The following UBE2W variants were observed in gnomAD, a reference collection of about 807,000 sequenced individuals.
UBE2W encodes ubiquitin conjugating enzyme E2 W, also known as ubiquitin-conjugating enzyme E2 W.
In UBE2W, 18 loss-of-function variants were observed where a neutral mutation model predicts 27.2. The observed-to-expected ratio is 0.66, with a 90% CI of 0.46 to 0.98. UBE2W has a LOEUF of 0.98. Ranked by LOEUF, UBE2W falls within the 50% of genes least tolerant of loss-of-function variation. The pLI is 0.00. For missense variants in UBE2W, 90 were observed against 180.2 expected (o/e 0.50, Z 2.87); for synonymous variants, 53 against 57.2 (o/e 0.93, Z 0.33).
chr8:73,787,231 C>G lies in UBE2W; in HGVS notation c.*6871G>C. ...CACAGTGGCTTTGAGCTTTGTTGTC[C>G]AAGTACACAAAACTCTTAGCTGTCT... On this transcript the variant is annotated 3_prime_UTR_variant, in exon 6 of 6. Transcript: ENST00000602593. The G allele has an allele frequency of 3.0e-6, 3 of 985,378 alleles. No homozygotes were observed. Among genetic ancestry groups the G allele is most frequent in the Non-Finnish European group, 3.6e-6 (3 of 829,928 alleles). The allele number at this position is 985,378 out of a possible 1,614,324, so 61.0% of individuals were successfully genotyped here. A position where few individuals can be genotyped will look rare whatever the true frequency, so the allele number is the denominator to read the frequency against.
chr8:73,794,798 G>C (rs1157577196), intron 5 of UBE2W, among the ~76,000 whole-genome samples: 1 of 148,838 alleles, frequency 6.7e-6, no homozygotes, highest in Non-Finnish European at 1.5e-5. Flanking sequence ...AGCTACTCAG[G>C]AGGCTGAGGC....
At chr8:73,865,180 C>CAAAAAAAACAAAAAAAAAA (rs1811700272) in intron 1 of UBE2W, among the ~76,000 whole-genome samples, 1 of 32,856 alleles carries the variant, frequency 3.0e-5, no homozygotes, top group African/African-American at 8.4e-5. Flanking sequence ...GTGCAAACGT[C>CAAAAAAAACAAAAAAAAAA]AAAAAAAAAA....
Position 73,791,160 on chromosome 8 carries a change from T to C in UBE2W, c.*2942A>G. On this transcript the variant is annotated 3_prime_UTR_variant, in exon 6 of 6. Transcript: ENST00000602593. ...TACAAGTAAGTCCTTCAGAAGTGAA[T>C]ATTAATTCCTTAAGAGAACCATAAA... 1 of 982,916 alleles carries C rather than the reference T, an allele frequency of 1.0e-6. No individual in the cohort carries two copies. Among genetic ancestry groups the C allele is most frequent in the Non-Finnish European group, 1.2e-6 (1 of 828,020 alleles). 60.9% of individuals were successfully genotyped at this position (982,916 alleles called of 1,614,324 possible). A position where few individuals can be genotyped will look rare whatever the true frequency, so the allele number is the denominator to read the frequency against.
At chr8:73,804,555 CT>C (rs57819629) in intron 5 of UBE2W, among the ~76,000 whole-genome samples, 32,746 of 146,342 alleles carry the variant, frequency 0.22, 5,584 homozygotes, top group African/African-American at 0.48. Context: ...CAGAATCTCA[CT>C]TTTTTTTTTT....
chr8:73,874,417 G>A lies in UBE2W; in HGVS notation c.15+4391C>T, dbSNP rs544465564. Among the ~76,000 whole-genome samples, 486 of 152,194 alleles carry A rather than the reference G, an allele frequency of 3.2e-3. 1 individual carries two copies. The highest frequency in any genetic ancestry group is 0.011 in the South Asian group (51 of 4,822). ...ACTGCACTCCAGCCTGGGCGACAGCGAGACTCTGTCTCAAAAAAATAAAAT... is the reference window on the plus strand; with the variant it reads ...ACTGCACTCCAGCCTGGGCGACAGCAAGACTCTGTCTCAAAAAAATAAAAT... On this transcript the variant is annotated intron_variant, in intron 1 of 5. Transcript: ENST00000602593.
In UBE2W at chr8:73,788,084, G is replaced by A. The variant is rs1311440080; in HGVS notation, c.*6018C>T. 1 of 984,322 alleles carries A rather than the reference G, an allele frequency of 1.0e-6. No individual in the cohort carries two copies. The highest frequency in any genetic ancestry group is 1.7e-5 in the African/African-American group (1 of 57,154). 61.0% of individuals were successfully genotyped at this position (984,322 alleles called of 1,614,324 possible). ...ACTTTTACGTCATAAACCAAAAAGA[G>A]GTCTGGTATCTATCCCATTTAGTAT... On this transcript the variant is annotated 3_prime_UTR_variant, in exon 6 of 6. Transcript: ENST00000602593.
intron 3 of UBE2W, among the ~76,000 whole-genome samples, chr8:73,815,824 T>C (rs891585446): frequency 6.6e-6 from 1 of 152,198 alleles, no homozygotes; most frequent in African/African-American, 2.4e-5. Flanking sequence ...CCAAGGTTTT[T>C]CCAGGGACAG....
At position 73,838,494 on chromosome 8, in the gene UBE2W, CT is replaced by C. The variant is rs1462036529; in HGVS notation, c.16-8023del. Among the ~76,000 whole-genome samples the C allele has an allele frequency of 3.9e-5, 6 of 152,156 alleles. No individual in the cohort carries two copies. The South Asian group carries it at 1.2e-3, about 32-fold the overall frequency. ...GTGGCTTACACCTGTAATCCCAGCA[CT>C]TTAGGAGGCCAAGGCAGGAGAATTA... On this transcript the variant is annotated intron_variant, in intron 1 of 5. Coordinates refer to ENST00000602593, the MANE Select transcript of UBE2W (RefSeq NM_018299.6).
At chr8:73,840,462 G>T (rs535984224) in intron 1 of UBE2W, among the ~76,000 whole-genome samples, 1 of 152,290 alleles carries the variant, frequency 6.6e-6, no homozygotes, top group South Asian at 2.1e-4. Flanking sequence ...AAATTCAAAT[G>T]ATACTCTTGT....
chr8:73,842,098 C>A (rs556036448), intron 1 of UBE2W, among the ~76,000 whole-genome samples: 61 of 152,260 alleles, frequency 4.0e-4, no homozygotes, highest in Non-Finnish European at 5.0e-4. Context: ...TCCTTTGAGG[C>A]AACAATTTCA....
At chr8:73,816,287 G>A (rs547871950) in intron 3 of UBE2W, among the ~76,000 whole-genome samples, 3 of 152,250 alleles carry the variant, frequency 2.0e-5, no homozygotes, top group South Asian at 2.1e-4. Flanking sequence ...GACCCCCAAG[G>A]CTTCAGTGAA....
intron 5 of UBE2W, among the ~76,000 whole-genome samples, chr8:73,795,004 T>C (rs1489383247): frequency 1.3e-5 from 2 of 152,140 alleles, no homozygotes; most frequent in African/African-American, 2.4e-5. Flanking sequence ...CAGACAACTT[T>C]AGGATTATTT....
intron 5 of UBE2W, among the ~76,000 whole-genome samples, chr8:73,802,665 G>A (rs1049046104): frequency 2.6e-5 from 4 of 152,072 alleles, no homozygotes; most frequent in Non-Finnish European, 5.9e-5. Context: ...TGAGGCAGGC[G>A]ATCACCCTGA....
chr8:73,805,324 A>G (rs1808828494), intron 5 of UBE2W, among the ~76,000 whole-genome samples: 1 of 150,934 alleles, frequency 6.6e-6, no homozygotes, highest in African/African-American at 2.4e-5. Flanking sequence ...GTGGTTGCAC[A>G]TGCCTGTAAT....
intron 5 of UBE2W, chr8:73,796,693 A>G: frequency 1.0e-6 from 1 of 980,026 alleles, no homozygotes; most frequent in Non-Finnish European, 1.2e-6. Flanking sequence ...CATGATGGCT[A>G]TATGTAATCA....
intron 1 of UBE2W, among the ~76,000 whole-genome samples, chr8:73,861,088 C>T (rs1169760036): frequency 6.6e-6 from 1 of 152,086 alleles, no homozygotes; most frequent in African/African-American, 2.4e-5. Flanking sequence ...CACTGCATTC[C>T]ATCCTGGGCA....
intron 2 of UBE2W, among the ~76,000 whole-genome samples, chr8:73,828,575 T>C (rs1229443424): frequency 6.6e-6 from 1 of 152,192 alleles, no homozygotes; most frequent in African/African-American, 2.4e-5. Context: ...AACATGATAG[T>C]ATTCATATTT....
At chr8:73,832,928 G>A (rs954506111) in intron 1 of UBE2W, among the ~76,000 whole-genome samples, 13 of 152,164 alleles carry the variant, frequency 8.5e-5, no homozygotes, top group Middle Eastern at 3.4e-3. Context: ...TGTGGCTCAC[G>A]CCTGTAATCC....
intron 1 of UBE2W, among the ~76,000 whole-genome samples, chr8:73,835,211 A>G (rs1156971937): frequency 6.6e-6 from 1 of 150,842 alleles, no homozygotes; most frequent in Non-Finnish European, 1.5e-5. Context: ...TCTCCTGAAC[A>G]TAATGGAAAA....
Sources: allele counts gnomAD v4.1 joint callset (sites outside exome capture counted in the v4.1 genomes callset), GRCh38; gene constraint gnomAD v4.1.1; transcripts MANE v1.5; gene names NCBI Gene and HGNC (gene_info 2026-07-23, HGNC 2026-07-21).